The following WNK3 variants were observed in gnomAD, a reference collection of about 807,000 sequenced individuals.
WNK3 encodes the protein serine/threonine-protein kinase WNK3.
A neutral mutation model predicts 116.7 loss-of-function variants in WNK3; 18 were observed. That is an observed-to-expected ratio of 0.15 (90% CI 0.11 to 0.23). The LOEUF is 0.23. Among genes scored for constraint, WNK3 ranks in the 10% least tolerant of loss-of-function variants. The pLI is 1.00. For synonymous variants in WNK3, 404 were observed against 469.4 expected (o/e 0.86, Z 1.80); for missense variants, 993 against 1,323.8 (o/e 0.75, Z 3.88).
In WNK3 at chrX:54,330,513, C is replaced by T. The variant is rs782592393; in HGVS notation, c.537+2624G>A. ...TTAAGGCTTCAGTGAGCCAAGACAG[C>T]GCCACTGCATTCCAGCCTAGATGAC... On this transcript the variant is annotated intron_variant, in intron 2 of 23. Coordinates refer to ENST00000354646, the Ensembl canonical transcript of WNK3. Among the ~76,000 whole-genome samples the T allele has an allele frequency of 1.1e-4, 12 of 111,451 alleles. No homozygotes were observed. The South Asian group carries it at 3.0e-3, about 28-fold the overall frequency.
chrX:54,263,012 T>C (rs782598211), intron 10 of WNK3, among the ~76,000 whole-genome samples: 1 of 110,094 alleles, frequency 9.1e-6, no homozygotes, highest in African/African-American at 3.3e-5. Context: ...CTTGGTTATA[T>C]TCTTGAGGCT....
intron 22 of WNK3, among the ~76,000 whole-genome samples, chrX:54,208,998 A>C (rs2067584512): frequency 9.0e-6 from 1 of 111,537 alleles, no homozygotes; most frequent in Non-Finnish European, 1.9e-5. Flanking sequence ...GCACGTACTA[A>C]AATTCCAGAC....
chrX:54,222,111 C>T (rs782148108), intron 22 of WNK3, among the ~76,000 whole-genome samples: 28 of 111,565 alleles, frequency 2.5e-4, no homozygotes, highest in African/African-American at 8.8e-4. Context: ...GAGCCAAGGT[C>T]GCACCATTGC....
chrX:54,200,709 C>G (rs1382617227), intron 23 of WNK3, among the ~76,000 whole-genome samples: 2 of 111,484 alleles, frequency 1.8e-5, no homozygotes, highest in Non-Finnish European at 3.8e-5. Flanking sequence ...TCCAAACATC[C>G]TCCATTATAC....
intron 10 of WNK3, among the ~76,000 whole-genome samples, chrX:54,271,363 A>C (rs2068382348): frequency 8.9e-6 from 1 of 112,006 alleles, no homozygotes; most frequent in Non-Finnish European, 1.9e-5. Context: ...ATGCCTAACA[A>C]GTTTTTGTTC....
At chrX:54,300,011 C>T (rs782588661) in intron 6 of WNK3, among the ~76,000 whole-genome samples, 12 of 110,246 alleles carry the variant, frequency 1.1e-4, no homozygotes, top group Non-Finnish European at 2.3e-4. Context: ...AGGCACCCAC[C>T]ACCACGCCCA....
In WNK3 at chrX:54,323,549, A is replaced by T. The variant is rs193232900; in HGVS notation, c.537+9588T>A. Among the ~76,000 whole-genome samples, 3 of 111,581 alleles carry T rather than the reference A, an allele frequency of 2.7e-5. 1 individual carries two copies. In the Admixed American group the frequency reaches 2.9e-4, roughly 11 times the overall value. ...TAAAGGGAGTCTGGGTGATGGGTAT[A>T]CAGGAACTTTCTATACTCTTTTTGC... On this transcript the variant is annotated intron_variant, in intron 2 of 23. Coordinates refer to ENST00000354646, the Ensembl canonical transcript of WNK3.
At chrX:54,267,587 AC>A (rs1166320018) in intron 10 of WNK3, among the ~76,000 whole-genome samples, 3 of 110,216 alleles carry the variant, frequency 2.7e-5, no homozygotes, top group Non-Finnish European at 5.7e-5. Flanking sequence ...GGAGTTCGAG[AC>A]CAGCCTGGCC....
intron 13 of WNK3, among the ~76,000 whole-genome samples, chrX:54,253,167 T>C (rs1195325891): frequency 2.8e-5 from 3 of 107,787 alleles, no homozygotes; most frequent in Non-Finnish European, 5.8e-5. Context: ...ATATAAACTT[T>C]CTATGTAGCC....
At chrX:54,295,177 T>C (rs2147116734) in intron 7 of WNK3, among the ~76,000 whole-genome samples, 1 of 109,491 alleles carries the variant, frequency 9.1e-6, no homozygotes, top group East Asian at 2.9e-4. Flanking sequence ...ATTACAAGCA[T>C]GAGCCACCGC....
At chrX:54,285,523 C>T (rs1557163728) in intron 10 of WNK3, among the ~76,000 whole-genome samples, 1 of 112,660 alleles carries the variant, frequency 8.9e-6, no homozygotes, top group African/African-American at 3.2e-5. Context: ...ATCAGGTGGG[C>T]AAGCCACAGC....
At chrX:54,354,775 T>A (rs1557179105) in intron 1 of WNK3, among the ~76,000 whole-genome samples, 1 of 112,262 alleles carries the variant, frequency 8.9e-6, no homozygotes, top group African/African-American at 3.2e-5. Flanking sequence ...CCTCTGTTAA[T>A]TATTTTTATT....
intron 22 of WNK3, among the ~76,000 whole-genome samples, chrX:54,211,997 C>T (rs1462186473): frequency 9.0e-6 from 1 of 111,184 alleles, no homozygotes; most frequent in Non-Finnish European, 1.9e-5. Context: ...GAGGTTGAGG[C>T]GGGCGGATCA....
intron 10 of WNK3, among the ~76,000 whole-genome samples, chrX:54,287,296 A>C (rs782266159): frequency 8.0e-5 from 9 of 112,220 alleles, no homozygotes; most frequent in African/African-American, 2.9e-4. Flanking sequence ...TTTAGGACTA[A>C]AGGATCTTGG....
At position 54,352,050 on chromosome X, in the gene WNK3, T is replaced by C. The variant is rs782245231; in HGVS notation, c.-120+5636A>G. On this transcript the variant is annotated intron_variant, in intron 1 of 23. Coordinates refer to ENST00000354646, the Ensembl canonical transcript of WNK3. ...TTAAAAAACTCTTAAAACTCAACAATAAAAAGACAAACAACCAAATTTTTT... is the reference window on the plus strand; with the variant it reads ...TTAAAAAACTCTTAAAACTCAACAACAAAAAGACAAACAACCAAATTTTTT... Among the ~76,000 whole-genome samples, 15 of 111,180 alleles carry C rather than the reference T, an allele frequency of 1.3e-4. No homozygotes were observed. The Admixed American group carries it at 1.5e-3, about 11-fold the overall frequency.
At chrX:54,202,759 G>A (rs987076979) in intron 22 of WNK3, among the ~76,000 whole-genome samples, 1 of 109,747 alleles carries the variant, frequency 9.1e-6, no homozygotes, top group Non-Finnish European at 1.9e-5. Context: ...ATAAATCAAG[G>A]GTAATAAATA....
chrX:54,280,432 C>CA (rs1355956531), intron 10 of WNK3, among the ~76,000 whole-genome samples: 3 of 111,671 alleles, frequency 2.7e-5, no homozygotes, highest in African/African-American at 6.5e-5. Context: ...AGCAAAATTA[C>CA]AGGATATAAT....
At chrX:54,193,856 C>G (rs1201173830) in exon 24 of WNK3, 3 of 111,224 alleles carry the variant, frequency 2.7e-5, no homozygotes, top group African/African-American at 9.8e-5. Context: ...CACACCACCC[C>G]CCTTTTCTGA....
intron 1 of WNK3, among the ~76,000 whole-genome samples, chrX:54,337,056 G>GA (rs199969729): frequency 3.7e-5 from 4 of 108,126 alleles, no homozygotes; most frequent in African/African-American, 1.0e-4. Flanking sequence ...TTTGACTTGG[G>GA]AAAAAAAAAC....
Sources: gnomAD v4.1 joint callset for allele counts (sites outside exome capture counted in the v4.1 genomes callset) on GRCh38, gnomAD v4.1.1 for gene constraint, MANE v1.5 for transcripts, NCBI Gene and HGNC (gene_info 2026-07-23, HGNC 2026-07-21) for gene names.